Variants in TTC28 observed in about 807,000 individuals in gnomAD.
TTC28 encodes tetratricopeptide repeat protein 28.
In TTC28, 61 loss-of-function variants were observed where a neutral mutation model predicts 198.0. The observed-to-expected ratio is 0.31, with a 90% CI of 0.25 to 0.38. TTC28 has a LOEUF of 0.38. TTC28 is among the 10% of genes least tolerant of loss of function. The pLI is 1.00. For missense variants in TTC28, 2,678 were observed against 3,164.0 expected (o/e 0.85, Z 3.69); for synonymous variants, 1,171 against 1,297.8 (o/e 0.90, Z 2.10).
chr22:28,556,794 C>T (rs151166415), intron 2 of TTC28, among the ~76,000 whole-genome samples: 2 of 152,296 alleles, frequency 1.3e-5, no homozygotes, highest in East Asian at 3.9e-4. Context: ...CAGAAGGATA[C>T]ACTTCCAAGG....
chr22:28,389,420 C>T (rs926784677), intron 2 of TTC28, among the ~76,000 whole-genome samples: 15 of 150,718 alleles, frequency 1.0e-4, no homozygotes, highest in Non-Finnish European at 1.9e-4. Context: ...AGGAATGGTA[C>T]CAGTTCCTCC....
intron 2 of TTC28, among the ~76,000 whole-genome samples, chr22:28,576,469 T>C (rs2050152152): frequency 6.6e-6 from 1 of 152,072 alleles, no homozygotes; most frequent in South Asian, 2.1e-4. Flanking sequence ...AACCTTTATC[T>C]AGTTTTCGTA....
chr22:28,592,176 G>A (rs1435720052), intron 2 of TTC28, among the ~76,000 whole-genome samples: 1 of 152,118 alleles, frequency 6.6e-6, no homozygotes, highest in African/African-American at 2.4e-5. Flanking sequence ...ACAGGGTCTA[G>A]GGGGCCTGCT....
chr22:28,288,973 T>C (rs2044738435), intron 5 of TTC28, among the ~76,000 whole-genome samples: 1 of 152,178 alleles, frequency 6.6e-6, no homozygotes. Context: ...CAGACTTTGC[T>C]CACAGACCCA....
At chr22:28,210,968 T>A (rs555850725) in intron 5 of TTC28, among the ~76,000 whole-genome samples, 11 of 151,996 alleles carry the variant, frequency 7.2e-5, no homozygotes, top group African/African-American at 2.4e-4. Context: ...CAGAAGAGAG[T>A]GAGGGCCAAT....
chr22:28,114,607 T>TC (rs1369139366), intron 6 of TTC28, among the ~76,000 whole-genome samples: 6 of 145,512 alleles, frequency 4.1e-5, no homozygotes, highest in African/African-American at 1.5e-4. Flanking sequence ...TGAGACAGGG[T>TC]CCCACTCTGT....
intron 12 of TTC28, among the ~76,000 whole-genome samples, chr22:28,066,301 TGTGG>T (rs964163760): frequency 1.6e-4 from 24 of 150,820 alleles, no homozygotes; most frequent in Admixed American, 1.1e-3. Context: ...TGTGTGTGTG[TGTGG>T]TGTGTGTGTG....
chr22:28,516,961 T>C (rs1053043041), intron 2 of TTC28, among the ~76,000 whole-genome samples: 4 of 152,198 alleles, frequency 2.6e-5, no homozygotes, highest in Non-Finnish European at 4.4e-5. Context: ...TACAACTTAC[T>C]ATTCTGTAGT....
intron 2 of TTC28, among the ~76,000 whole-genome samples, chr22:28,401,062 G>GA (rs2046898565): frequency 6.6e-6 from 1 of 151,830 alleles, no homozygotes; most frequent in Non-Finnish European, 1.5e-5. Flanking sequence ...GTAAAGGCCA[G>GA]AAAAATGGAA....
chr22:28,425,950 C>T (rs951034185), intron 2 of TTC28, among the ~76,000 whole-genome samples: 1 of 152,182 alleles, frequency 6.6e-6, no homozygotes, highest in African/African-American at 2.4e-5. Context: ...GTGGCTCACG[C>T]CCGTAACCCC....
At chr22:28,466,482 T>C (rs374029239) in intron 2 of TTC28, among the ~76,000 whole-genome samples, 7 of 152,166 alleles carry the variant, frequency 4.6e-5, no homozygotes, top group African/African-American at 1.4e-4. Context: ...TAAGATATGG[T>C]ATGCCAAACC....
chr22:28,583,989 T>TG (rs1177398335), intron 2 of TTC28, among the ~76,000 whole-genome samples: 2 of 151,158 alleles, frequency 1.3e-5, no homozygotes. Flanking sequence ...TCTCCGTTTT[T>TG]TTTTTGTTTT....
In TTC28 at chr22:27,978,454, G is replaced by A. The variant is rs1003922029; in HGVS notation, c.*3767C>T. 1 of 152,286 alleles carries A rather than the reference G, an allele frequency of 6.6e-6. No homozygotes were observed. The highest frequency in any genetic ancestry group is 1.5e-5 in the Non-Finnish European group (1 of 68,066). 9.4% of individuals were successfully genotyped at this position (152,286 alleles called of 1,614,324 possible). A position where few individuals can be genotyped will look rare whatever the true frequency, so the allele number is the denominator to read the frequency against. On this transcript the variant is annotated 3_prime_UTR_variant, in exon 23 of 23. Coordinates refer to ENST00000397906, the MANE Select transcript of TTC28 (RefSeq NM_001145418.2). ...TTCCAGCCTGAACTGAAATTATCAA[G>A]GCTACAGTTCTTCTTGTGGGTCTGC...
intron 2 of TTC28, among the ~76,000 whole-genome samples, chr22:28,595,321 G>A (rs1270866668): frequency 1.3e-5 from 2 of 152,162 alleles, no homozygotes; most frequent in Non-Finnish European, 2.9e-5. Flanking sequence ...GAATTGGTCA[G>A]TAACTAATCA....
At chr22:28,194,195 CA>C (rs1417613655) in intron 5 of TTC28, among the ~76,000 whole-genome samples, 1 of 152,110 alleles carries the variant, frequency 6.6e-6, no homozygotes, top group Non-Finnish European at 1.5e-5. Context: ...GGGTACATAA[CA>C]AAATGAAGAC....
intron 2 of TTC28, among the ~76,000 whole-genome samples, chr22:28,366,886 T>C (rs956759897): frequency 2.0e-5 from 3 of 151,884 alleles, no homozygotes; most frequent in Non-Finnish European, 2.9e-5. Context: ...CAAGAGGATA[T>C]AACACGTGTA....
chr22:28,349,524 G>T (rs558822636), intron 2 of TTC28, among the ~76,000 whole-genome samples: 10 of 152,272 alleles, frequency 6.6e-5, no homozygotes, highest in Non-Finnish European at 1.5e-4. Context: ...AACTCTCTCA[G>T]ACTGAAGTTA....
intron 3 of TTC28, 60 bp downstream of exon 3, chr22:28,306,436 G>C (rs1276366402): frequency 1.3e-5 from 20 of 1,506,092 alleles, no homozygotes; most frequent in Non-Finnish European, 1.7e-5. Context: ...TAAAGTCTTG[G>C]AAGGCTAGAA....
chr22:28,126,405 C>T (rs1942914481), intron 6 of TTC28, among the ~76,000 whole-genome samples: 1 of 152,180 alleles, frequency 6.6e-6, no homozygotes, highest in Non-Finnish European at 1.5e-5. Flanking sequence ...CCACACTCTT[C>T]ATTCTTCCAA....
Sources: gnomAD v4.1 joint callset for allele counts (sites outside exome capture counted in the v4.1 genomes callset) on GRCh38, gnomAD v4.1.1 for gene constraint, MANE v1.5 for transcripts, NCBI Gene and HGNC (gene_info 2026-07-23, HGNC 2026-07-21) for gene names.